NEB: variants seen among roughly 807,000 people sequenced by gnomAD.
NEB encodes nebulin, also known as nemaline myopathy type 2.
NEB carries 512 observed loss-of-function variants against 952.2 expected under a neutral mutation model. The observed-to-expected ratio is 0.54, with a 90% CI of 0.50 to 0.58. The LOEUF (loss-of-function observed/expected upper bound fraction) is 0.58, where lower values mean the gene tolerates loss of function less well. Among genes scored for constraint, NEB ranks in the 20% least tolerant of loss-of-function variants. NEB has a pLI of 0.00. For synonymous variants in NEB, 2,900 were observed against 3,149.8 expected, an observed-to-expected ratio of 0.92 and a Z score of 2.66; for missense variants, 8,428 against 9,231.1, an observed-to-expected ratio of 0.91 and a Z score of 3.56.
Position 151,672,580 on chromosome 2 carries a change from T to C in NEB, c.4088A>G (p.Lys1363Arg), listed in dbSNP as rs762934374. 1 of 1,614,016 alleles carries C rather than the reference T, an allele frequency of 6.2e-7. No homozygotes were observed. The highest frequency in any genetic ancestry group is 8.5e-7 in the Non-Finnish European group (1 of 1,179,894). ...PKLVHYMNVA[K>R]LQSDREYKKN... Reference sequence around the variant, plus strand: ...CTTGTATTCACGATCAGACTGCAGCTTTGCCACATTCATATAGTGGACCAG... The same window carrying C: ...CTTGTATTCACGATCAGACTGCAGCCTTGCCACATTCATATAGTGGACCAG... Residue 1363 changes from lysine (K) to arginine (R), a missense_variant, in exon 37 of 182, where the codon AAG (lysine) becomes AGG (arginine). By Grantham distance (26) the Lys-to-Arg change is conservative. Around this residue, in one of 11 missense-constraint regions of NEB, gnomAD observed 2,851 missense variants for 2,791.5 expected, o/e 1.02. Transcript: ENST00000397345.
intron 181 of NEB, chr2:151,486,678 G>C (rs1330001797): frequency 6.6e-6 from 1 of 151,496 alleles, no homozygotes; most frequent in Admixed American, 6.6e-5. Flanking sequence ...TAACAAGAAT[G>C]GGGTAGTAAC....
rs761695443 is a variant in NEB at position 151,659,151 on chromosome 2, A to G, written c.5989T>C (p.Trp1997Arg). Residue 1997 changes from tryptophan to arginine, a missense_variant, in exon 47 of 182, where the codon TGG becomes CGG. Physicochemically the swap from Trp to Arg is moderately radical, Grantham distance 101. Coordinates refer to ENST00000397345, the MANE Select transcript of NEB (RefSeq NM_001164508.2). ...IMNEHLYKQA[W>R]EADKTKVHIM... ...TGGACTTTGGTTTTGTCAGCCTCCCATGCTTGTTTGTAGAGATGCTAGGAA... is the reference window on the plus strand; with the variant it reads ...TGGACTTTGGTTTTGTCAGCCTCCCGTGCTTGTTTGTAGAGATGCTAGGAA... 2 of 1,612,080 alleles carry G rather than the reference A, an allele frequency of 1.2e-6. No homozygotes were observed. Among genetic ancestry groups the G allele is most frequent in the Admixed American group, 3.3e-5 (2 of 59,986 alleles).
At chr2:151,698,684 C>G (rs1281280855) in intron 13 of NEB, among the ~76,000 whole-genome samples, 1 of 143,464 alleles carries the variant, frequency 7.0e-6, no homozygotes, top group Non-Finnish European at 1.5e-5. Flanking sequence ...GTTGCCCAGG[C>G]TGGAGTGCAG....
chr2:151,727,573 A>C, intron 5 of NEB, 118 bp downstream of exon 5: 1 of 985,218 alleles, frequency 1.0e-6, no homozygotes, highest in Non-Finnish European at 1.5e-6. Flanking sequence ...TTGCAAAATA[A>C]GTTTTTGTTT....
At position 151,665,359 on chromosome 2, in the gene NEB, T is replaced by G. The variant is rs1410737269; in HGVS notation, c.5212A>C (p.Lys1738Gln). The G allele has an allele frequency of 6.2e-7, 1 of 1,613,682 alleles. No homozygotes were observed. Among genetic ancestry groups the G allele is most frequent in the Non-Finnish European group, 8.5e-7 (1 of 1,179,760 alleles). ...TTGTCCATGTTCAGTTTGTTACTCTTGTTAAGTGCCTGTTCCATTGTGTCC... is the reference window on the plus strand; with the variant it reads ...TTGTCCATGTTCAGTTTGTTACTCTGGTTAAGTGCCTGTTCCATTGTGTCC... ...AMDTMEQALN[K>Q]SNKLNMDKRL... Residue 1738 changes from lysine to glutamine, a missense_variant, in exon 42 of 182, where the codon AAG becomes CAG. Physicochemically the swap from Lys to Gln is moderately conservative, Grantham distance 53 (BLOSUM62 1). Transcript: ENST00000397345.
chr2:151,556,372 G>C (rs541137710), intron 124 of NEB, among the ~76,000 whole-genome samples: 2 of 152,214 alleles, frequency 1.3e-5, no homozygotes, highest in South Asian at 2.1e-4. Flanking sequence ...TAAACTTCAG[G>C]GGTGTGTGTC....
At chr2:151,531,236 C>G (rs2090557714) in intron 144 of NEB, 135 bp from the exon 145 acceptor site, 2 of 632,846 alleles carry the variant, frequency 3.2e-6, no homozygotes, top group Admixed American at 4.6e-5. Context: ...CTTTCATGCT[C>G]TCTGCTAAGA....
chr2:151,537,959 G>A lies in NEB; in HGVS notation c.21015C>T (p.Asn7005=). ...TCCAGATACCCAACTGGCTCATGTA[G>A]TTCTCCTTGTATTTTATCTGTTATA... The part of the protein sequence containing the change: ...DDISKIKYKE[N]YMSQLGIWRS... The change falls in exon 140 of 182, where the codon AAC becomes AAT. Residue 7005 remains asparagine, a synonymous_variant. Transcript: ENST00000397345. 1 of 1,613,026 alleles carries A rather than the reference G, an allele frequency of 6.2e-7. No homozygotes were observed. Among genetic ancestry groups the A allele is most frequent in the Non-Finnish European group, 8.5e-7 (1 of 1,179,252 alleles).
chr2:151,720,713 C>G lies in NEB; in HGVS notation c.717+2669G>C, dbSNP rs576055505. 1.1e-4 allele frequency among the ~76,000 whole-genome samples: 17 copies of G among 152,280 alleles called. No homozygotes were observed. In the South Asian group the frequency reaches 2.5e-3, roughly 22 times the overall value. ...CCCAGGCTTACATGACATGGCATTT[C>G]CTGGTTCCTTTTCAACTTCGCTGTT... is the stretch of plus-strand genomic sequence containing the variant. On this transcript the variant is annotated intron_variant, in intron 9 of 181. Coordinates refer to ENST00000397345, the MANE Select transcript of NEB (RefSeq NM_001164508.2).
chr2:151,565,459 C>T (rs1230519449), intron 116 of NEB, 42 bp downstream of exon 116: 8 of 1,291,344 alleles, frequency 6.2e-6, no homozygotes, highest in Non-Finnish European at 8.9e-6. Context: ...AGACAATTTA[C>T]TCCCCAGTCT....
chr2:151,492,591 C>T lies in NEB; in HGVS notation c.24766-97G>A, dbSNP rs117227069. 2.2e-3 allele frequency: 1,856 copies of T among 857,324 alleles called. 24 individuals carry two copies. In the East Asian group the frequency reaches 0.029, roughly 13 times the overall value. 53.1% of individuals were successfully genotyped at this position (857,324 alleles called of 1,614,324 possible). On this transcript the variant is annotated intron_variant, in intron 176 of 181. Transcript: ENST00000397345. Reference sequence around the variant, plus strand: ...GAGATGGATAGGAGCTGGTGAGGGACGCTTGGGTCAACTGAAGGGGCCCAG... The same window carrying T: ...GAGATGGATAGGAGCTGGTGAGGGATGCTTGGGTCAACTGAAGGGGCCCAG...
intron 124 of NEB, among the ~76,000 whole-genome samples, chr2:151,559,746 C>T (rs1339292433): frequency 6.6e-6 from 1 of 152,110 alleles, no homozygotes; most frequent in East Asian, 1.9e-4. Flanking sequence ...ACAGTGAGAA[C>T]ACATGGACAC....
At position 151,612,125 on chromosome 2, in the gene NEB, C is replaced by A. The variant is rs761884210; in HGVS notation, c.11805+61G>T. The A allele has an allele frequency of 7.7e-6, 12 of 1,551,018 alleles. No individual in the cohort carries two copies. The Admixed American group carries it at 1.0e-4, about 13-fold the overall frequency. ...CAGGGAATCCTTAGGGAATTTCCTACTTTATGAGCCAAATCTGTGGAAGGT... is the reference window on the plus strand; with the variant it reads ...CAGGGAATCCTTAGGGAATTTCCTAATTTATGAGCCAAATCTGTGGAAGGT... On this transcript the variant is annotated intron_variant, in intron 78 of 181. Transcript: ENST00000397345.
intron 4 of NEB, 106 bp downstream of exon 4, chr2:151,729,509 A>G: frequency 2.4e-6 from 3 of 1,269,956 alleles, no homozygotes; most frequent in South Asian, 2.4e-5. Context: ...ATCCTCTGTC[A>G]GATAATCCCT....
intron 154 of NEB, 100 bp from the exon 155 acceptor site, chr2:151,519,169 A>AG (rs1337643310): frequency 1.3e-6 from 1 of 799,124 alleles, no homozygotes; most frequent in Non-Finnish European, 2.1e-6. Flanking sequence ...CAAATGCTGG[A>AG]GATGGTGATG....
At chr2:151,619,064 G>C (rs1296443718) in intron 73 of NEB, among the ~76,000 whole-genome samples, 1 of 152,186 alleles carries the variant, frequency 6.6e-6, no homozygotes, top group Non-Finnish European at 1.5e-5. Flanking sequence ...GTAAATTAAA[G>C]TAATTTAGCA....
intron 141 of NEB, among the ~76,000 whole-genome samples, chr2:151,536,339 T>A (rs1438148784): frequency 6.6e-6 from 1 of 152,224 alleles, no homozygotes; most frequent in Non-Finnish European, 1.5e-5. Flanking sequence ...GCCAAATAGA[T>A]TTATTTTCCA....
intron 144 of NEB, 110 bp downstream of exon 144, chr2:151,531,682 T>A (rs951410301): frequency 2.5e-6 from 2 of 802,826 alleles, no homozygotes; most frequent in Non-Finnish European, 4.3e-6. Flanking sequence ...CCTGCCTCCC[T>A]CCCACTAAAT....
In NEB at chr2:151,660,441, C is replaced by T. The variant is rs566706198; in HGVS notation, c.5971-1272G>A. Among the ~76,000 whole-genome samples, 24 of 152,168 alleles carry T rather than the reference C, an allele frequency of 1.6e-4. No homozygotes were observed. In the East Asian group the frequency reaches 3.3e-3, roughly 21 times the overall value. ...ATGATACCTGAGTTTTAAATTTTAA[C>T]GAACATTAACAAATGGCCCATTAAA... On this transcript the variant is annotated intron_variant, in intron 46 of 181. Transcript: ENST00000397345.
Sources: allele counts gnomAD v4.1 joint callset (sites outside exome capture counted in the v4.1 genomes callset), GRCh38; gene constraint gnomAD v4.1.1; regional missense constraint gnomAD v4.1.1; transcripts MANE v1.5; gene names NCBI Gene and HGNC (gene_info 2026-07-23, HGNC 2026-07-21).